The following P4HA1 variants were observed in gnomAD, a reference collection of about 807,000 sequenced individuals.
P4HA1 encodes the protein prolyl 4-hydroxylase subunit alpha-1.
Under a neutral mutation model 72.8 loss-of-function variants are expected in P4HA1, and 24 were observed. That is an observed-to-expected ratio of 0.33 (90% CI 0.24 to 0.46). The LOEUF is 0.46. Among genes scored for constraint, P4HA1 ranks in the 20% least tolerant of loss-of-function variants. The pLI, the probability that P4HA1 is intolerant of heterozygous loss-of-function variation, is 1.00. For missense variants in P4HA1, 446 were observed against 640.6 expected (o/e 0.70, Z 3.28); for synonymous variants, 201 against 218.8 (o/e 0.92, Z 0.72).
At chr10:73,088,389 T>C (rs1002930494) in intron 1 of P4HA1, among the ~76,000 whole-genome samples, 1 of 152,182 alleles carries the variant, frequency 6.6e-6, no homozygotes, top group African/African-American at 2.4e-5. Flanking sequence ...GTTGAAACCA[T>C]ATAAATACCA....
At chr10:73,038,689 G>C (rs1348296416) in intron 9 of P4HA1, among the ~76,000 whole-genome samples, 3 of 105,560 alleles carry the variant, frequency 2.8e-5, no homozygotes, top group Non-Finnish European at 5.2e-5. Context: ...TGCAGTGGCG[G>C]GATCTCGGCT....
At chr10:73,073,598 T>C in intron 3 of P4HA1, 133 bp downstream of exon 3, 1 of 624,108 alleles carries the variant, frequency 1.6e-6, no homozygotes, top group Non-Finnish European at 2.9e-6. Flanking sequence ...TTCTCTATAC[T>C]CCTATTTTAG....
At chr10:73,080,838 G>C (rs1841806068) in intron 1 of P4HA1, among the ~76,000 whole-genome samples, 1 of 152,212 alleles carries the variant, frequency 6.6e-6, no homozygotes, top group Non-Finnish European at 1.5e-5. Flanking sequence ...TGAGGCAGGA[G>C]AATCACTTGA....
chr10:73,021,694 CA>C (rs1399419195), intron 10 of P4HA1, among the ~76,000 whole-genome samples: 1 of 152,216 alleles, frequency 6.6e-6, no homozygotes, highest in East Asian at 1.9e-4. Context: ...GGCATCGCCT[CA>C]CCCAGGAAGC....
rs143760543 is a variant in P4HA1 at position 73,008,375 on chromosome 10, A to G, written c.1535-83T>C. On this transcript the variant is annotated intron_variant, in intron 14 of 14. Coordinates refer to ENST00000394890, the MANE Select transcript of P4HA1 (RefSeq NM_001017962.3). ...GTTTCTAAAAGCTAGGTCTATAACA[A>G]AGTTTCATCATGGGATAAAAGTTCA... The G allele has an allele frequency of 2.4e-4, 209 of 855,944 alleles. No individual in the cohort carries two copies. In the African/African-American group the frequency reaches 3.2e-3, roughly 13 times the overall value. The allele number at this position is 855,944 out of a possible 1,614,324, so 53.0% of individuals were successfully genotyped here.
intron 9 of P4HA1, among the ~76,000 whole-genome samples, chr10:73,042,732 T>C (rs541535115): frequency 1.3e-5 from 2 of 151,708 alleles, no homozygotes; most frequent in African/African-American, 4.8e-5. Flanking sequence ...TCACTAGAGG[T>C]AGTGGTGGGG....
intron 10 of P4HA1, among the ~76,000 whole-genome samples, chr10:73,025,291 G>A (rs1341849794): frequency 6.6e-6 from 1 of 152,086 alleles, no homozygotes; most frequent in Non-Finnish European, 1.5e-5. Context: ...CTTCATCCCT[G>A]GGATGCAAGG....
At chr10:73,010,312 T>C (rs1036755513) in intron 13 of P4HA1, among the ~76,000 whole-genome samples, 7 of 152,150 alleles carry the variant, frequency 4.6e-5, no homozygotes, top group African/African-American at 1.7e-4. Flanking sequence ...AAGAACTCTA[T>C]AGCAGTATTT....
At chr10:73,011,611 T>A (rs1330176307) in intron 12 of P4HA1, among the ~76,000 whole-genome samples, 3 of 152,142 alleles carry the variant, frequency 2.0e-5, no homozygotes, top group Non-Finnish European at 4.4e-5. Flanking sequence ...AAAGATAACC[T>A]AGAATAAAAA....
chr10:73,038,255 C>T (rs978214853), intron 9 of P4HA1, among the ~76,000 whole-genome samples: 6 of 151,202 alleles, frequency 4.0e-5, no homozygotes, highest in Non-Finnish European at 8.8e-5. Context: ...ACCCTGTCTC[C>T]GAAAGAAAAT....
At chr10:73,059,198 T>C (rs1453160705) in intron 5 of P4HA1, among the ~76,000 whole-genome samples, 1 of 151,758 alleles carries the variant, frequency 6.6e-6, no homozygotes, top group Non-Finnish European at 1.5e-5. Context: ...AGGAAGGGAA[T>C]AGGTTGAAAA....
At chr10:73,019,157 G>A (rs1840076905) in intron 10 of P4HA1, among the ~76,000 whole-genome samples, 1 of 152,108 alleles carries the variant, frequency 6.6e-6, no homozygotes, top group Admixed American at 6.5e-5. Flanking sequence ...TACCACCACT[G>A]CAAACTTCTC....
intron 10 of P4HA1, among the ~76,000 whole-genome samples, chr10:73,018,455 T>C (rs1193540366): frequency 1.3e-5 from 2 of 152,152 alleles, no homozygotes; most frequent in Admixed American, 6.5e-5. Context: ...GACACTTCTC[T>C]TTCTAGGGAG....
At chr10:73,063,573 G>A (rs568462478) in intron 5 of P4HA1, among the ~76,000 whole-genome samples, 34 of 152,176 alleles carry the variant, frequency 2.2e-4, no homozygotes, top group African/African-American at 6.7e-4. Context: ...TTATTTTTTC[G>A]GTTACGAGAA....
At chr10:73,042,647 CTTTT>C (rs765489216) in intron 9 of P4HA1, among the ~76,000 whole-genome samples, 1 of 146,358 alleles carries the variant, frequency 6.8e-6, no homozygotes, top group African/African-American at 2.5e-5. Context: ...CATTTTACAT[CTTTT>C]TTTTTTTTCT....
At chr10:73,085,363 T>C (rs1841904760) in intron 1 of P4HA1, among the ~76,000 whole-genome samples, 1 of 151,876 alleles carries the variant, frequency 6.6e-6, no homozygotes, top group East Asian at 2.0e-4. Flanking sequence ...TATCCAAATA[T>C]ATAAAGAACT....
intron 1 of P4HA1, among the ~76,000 whole-genome samples, chr10:73,077,441 G>A (rs755116405): frequency 6.6e-6 from 1 of 152,110 alleles, no homozygotes; most frequent in African/African-American, 2.4e-5. Context: ...TTAGCCTACA[G>A]AAATAACTAA....
chr10:73,091,176 AAATAAAT>A (rs1842023589), intron 1 of P4HA1, among the ~76,000 whole-genome samples: 1 of 110,316 alleles, frequency 9.1e-6, no homozygotes, highest in Non-Finnish European at 1.7e-5. Flanking sequence ...CCAAAAAAAT[AAATAAAT>A]AAATAAATAA....
chr10:73,060,976 G>C (rs1253342340), intron 5 of P4HA1, among the ~76,000 whole-genome samples: 2 of 152,196 alleles, frequency 1.3e-5, no homozygotes, highest in Admixed American at 6.5e-5. Context: ...AATGGTTCAT[G>C]AAGGATGTTC....
Sources: gnomAD v4.1 joint callset for allele counts (sites outside exome capture counted in the v4.1 genomes callset) on GRCh38, gnomAD v4.1.1 for gene constraint, MANE v1.5 for transcripts, NCBI Gene and HGNC (gene_info 2026-07-23, HGNC 2026-07-21) for gene names.